WNT2B: variants seen among roughly 807,000 people sequenced by gnomAD.
The protein encoded by WNT2B is protein Wnt-2b.
A neutral mutation model predicts 40.5 loss-of-function variants in WNT2B; 19 were observed. The observed-to-expected ratio is 0.47, with a 90% CI of 0.33 to 0.69. WNT2B has a LOEUF of 0.69. Among genes scored for constraint, WNT2B ranks in the 30% least tolerant of loss-of-function variants. WNT2B has a pLI of 0.02. For missense variants in WNT2B, 467 were observed against 556.4 expected, an observed-to-expected ratio of 0.84 and a Z score of 1.62; for synonymous variants, 220 against 211.9, an observed-to-expected ratio of 1.04 and a Z score of -0.33.
chr1:112,497,302 G>A (rs746425613), intron 1 of WNT2B, among the ~76,000 whole-genome samples: 13 of 152,220 alleles, frequency 8.5e-5, no homozygotes, highest in Non-Finnish European at 1.6e-4. Flanking sequence ...CCCGGGCCCT[G>A]AGGTTGTCTG....
intron 1 of WNT2B, among the ~76,000 whole-genome samples, chr1:112,485,246 A>T (rs192967533): frequency 6.6e-6 from 1 of 152,324 alleles, no homozygotes; most frequent in Non-Finnish European, 1.5e-5. Context: ...AGATCACCTG[A>T]GGTCAGGAGT....
intron 1 of WNT2B, among the ~76,000 whole-genome samples, chr1:112,512,337 C>A (rs1652383360): frequency 6.6e-6 from 1 of 152,212 alleles, no homozygotes; most frequent in Admixed American, 6.5e-5. Context: ...ACAAAAATCC[C>A]TGCCTTTGTG....
intron 1 of WNT2B, among the ~76,000 whole-genome samples, chr1:112,514,281 G>A (rs553969814): frequency 6.6e-6 from 1 of 152,182 alleles, no homozygotes; most frequent in Non-Finnish European, 1.5e-5. Context: ...AGAGGGTGGG[G>A]TCTTCCTCCC....
rs544134627 is a variant in WNT2B at position 112,517,104 on chromosome 1, C to A, written c.682-17C>A. 2 of 1,604,184 alleles carry A rather than the reference C, an allele frequency of 1.2e-6. No homozygotes were observed. Among genetic ancestry groups the A allele is most frequent in the South Asian group, 2.2e-5 (2 of 90,496 alleles). On this transcript the variant is annotated splice_polypyrimidine_tract_variant and intron_variant, in intron 3 of 4. Coordinates refer to ENST00000369684, the MANE Select transcript of WNT2B (RefSeq NM_024494.3). Reference sequence around the variant, plus strand: ...TGACCAGCTACTTCTCCCTTAACTGCCTTCCCCCTCCCCCAGGCTGTGCGG... The same window carrying A: ...TGACCAGCTACTTCTCCCTTAACTGACTTCCCCCTCCCCCAGGCTGTGCGG...
intron 4 of WNT2B, among the ~76,000 whole-genome samples, chr1:112,519,405 G>GCTAGTCAGTTTCCCATCT (rs1204112730): frequency 1.3e-5 from 2 of 152,092 alleles, no homozygotes; most frequent in Non-Finnish European, 1.5e-5. Context: ...TTGAACCTAG[G>GCTAGTCAGTTTCCCATCT]CTAGTCAGTT....
chr1:112,497,004 A>G (rs994184002), intron 1 of WNT2B, among the ~76,000 whole-genome samples: 3 of 152,224 alleles, frequency 2.0e-5, no homozygotes, highest in African/African-American at 7.2e-5. Context: ...CTATGACTGG[A>G]GAATAATCTT....
intron 1 of WNT2B, among the ~76,000 whole-genome samples, chr1:112,488,146 A>C (rs1651478293): frequency 6.6e-6 from 1 of 151,954 alleles, no homozygotes; most frequent in Admixed American, 6.6e-5. Flanking sequence ...AAAATAAAAA[A>C]ATTAGCTGGG....
chr1:112,502,570 G>A (rs1052307769), intron 1 of WNT2B, among the ~76,000 whole-genome samples: 1 of 152,200 alleles, frequency 6.6e-6, no homozygotes. Context: ...CTCGGACTTG[G>A]GGGTGTGAAG....
intron 1 of WNT2B, among the ~76,000 whole-genome samples, chr1:112,470,606 TA>T (rs1262310540): frequency 1.3e-5 from 2 of 151,944 alleles, no homozygotes; most frequent in Non-Finnish European, 2.9e-5. Flanking sequence ...AAATAAATAA[TA>T]AATCATGCTG....
At chr1:112,483,493 C>A (rs1651294522) in intron 1 of WNT2B, among the ~76,000 whole-genome samples, 1 of 152,024 alleles carries the variant, frequency 6.6e-6, no homozygotes, top group African/African-American at 2.4e-5. Context: ...GATTACAGAT[C>A]TAAGCTTAAA....
chr1:112,524,010 C>T lies in WNT2B; in HGVS notation c.*3501C>T, dbSNP rs201433929. 1 of 150,748 alleles carries T rather than the reference C, an allele frequency of 6.6e-6. No homozygotes were observed. 9.3% of individuals were successfully genotyped at this position (150,748 alleles called of 1,614,324 possible). ...AGGGGCTTCAGATTAAAAAAAAAAA[C>T]AAAAAACAAAAAACAAAAACAAACA... On this transcript the variant is annotated 3_prime_UTR_variant, in exon 5 of 5. Transcript: ENST00000369684.
chr1:112,473,000 A>G (rs1570759571), intron 1 of WNT2B, among the ~76,000 whole-genome samples: 20 of 100,228 alleles, frequency 2.0e-4, no homozygotes, highest in African/African-American at 4.5e-4. Context: ...GAGGGAGGGG[A>G]GGGAAGGGGA....
chr1:112,521,754 G>A lies in WNT2B; in HGVS notation c.*1245G>A, dbSNP rs1652895052. 1 of 152,168 alleles carries A rather than the reference G, an allele frequency of 6.6e-6. No individual in the cohort carries two copies. 9.4% of individuals were successfully genotyped at this position (152,168 alleles called of 1,614,324 possible). ...TTGCCTAACTAGGTTTGCAGTAGTGGAATCTCCAGAGATAGCAGGCTTAGT... is the reference window on the plus strand; with the variant it reads ...TTGCCTAACTAGGTTTGCAGTAGTGAAATCTCCAGAGATAGCAGGCTTAGT... On this transcript the variant is annotated 3_prime_UTR_variant, in exon 5 of 5. Coordinates refer to ENST00000369684, the MANE Select transcript of WNT2B (RefSeq NM_024494.3).
intron 1 of WNT2B, among the ~76,000 whole-genome samples, chr1:112,486,132 AACACACAC>A (rs71584737): frequency 7.0e-6 from 1 of 143,848 alleles, no homozygotes; most frequent in African/African-American, 2.7e-5. Context: ...ATGAGTTTTT[AACACACAC>A]ACACACACAC....
At chr1:112,474,733 C>G (rs930391366) in intron 1 of WNT2B, among the ~76,000 whole-genome samples, 7 of 152,148 alleles carry the variant, frequency 4.6e-5, no homozygotes, top group African/African-American at 1.7e-4. Flanking sequence ...AATCTCATGT[C>G]GAATTGTGAT....
Position 112,527,393 on chromosome 1 carries a change from C to G in WNT2B, c.*6884C>G, listed in dbSNP as rs1653624573. On this transcript the variant is annotated 3_prime_UTR_variant, in exon 5 of 5. Transcript: ENST00000369684. ...CTCTCACTGTTCTCCCTGCTTCCCACCCCCAACTGCCTCTGCATGTGGGCT... is the reference window on the plus strand; with the variant it reads ...CTCTCACTGTTCTCCCTGCTTCCCAGCCCCAACTGCCTCTGCATGTGGGCT... 6.5e-6 allele frequency: 1 copy of G among 152,728 alleles called. No homozygotes were observed. Among genetic ancestry groups the G allele is most frequent in the Non-Finnish European group, 1.5e-5 (1 of 68,128 alleles). 9.5% of individuals were successfully genotyped at this position (152,728 alleles called of 1,614,324 possible). A position where few individuals can be genotyped will look rare whatever the true frequency, so the allele number is the denominator to read the frequency against.
chr1:112,517,453 G>A, intron 4 of WNT2B, 68 bp downstream of exon 4: 1 of 1,534,164 alleles, frequency 6.5e-7, no homozygotes, highest in Non-Finnish European at 8.8e-7. Flanking sequence ...GGTTAATCAT[G>A]GTCTGTTCAG....
chr1:112,505,960 C>A (rs1033857153), upstream of WNT2B, among the ~76,000 whole-genome samples: 5 of 152,088 alleles, frequency 3.3e-5, no homozygotes, highest in Non-Finnish European at 7.3e-5. Context: ...GGCTGTACCC[C>A]CCTCACCCCT....
Position 112,524,588 on chromosome 1 carries a change from C to T in WNT2B, c.*4079C>T, listed in dbSNP as rs1434644784. On this transcript the variant is annotated 3_prime_UTR_variant, in exon 5 of 5. Transcript: ENST00000369684. Reference sequence around the variant, plus strand: ...TTACACAGAGACCTGTAGCTCACACCTGGTTATTGATGGCCTTGGTGGAGG... The same window carrying T: ...TTACACAGAGACCTGTAGCTCACACTTGGTTATTGATGGCCTTGGTGGAGG... 6.6e-6 allele frequency: 1 copy of T among 152,622 alleles called. No individual in the cohort carries two copies. Among genetic ancestry groups the T allele is most frequent in the African/African-American group, 2.4e-5 (1 of 41,432 alleles). The allele number at this position is 152,622 out of a possible 1,614,324, so 9.5% of individuals were successfully genotyped here.
Sources: allele counts gnomAD v4.1 joint callset (sites outside exome capture counted in the v4.1 genomes callset), GRCh38; gene constraint gnomAD v4.1.1; transcripts MANE v1.5; gene names NCBI Gene and HGNC (gene_info 2026-07-23, HGNC 2026-07-21).